AKAP13: variants seen among roughly 807,000 people sequenced by gnomAD.
AKAP13 encodes A-kinase anchoring protein 13.
Under a neutral mutation model 264.5 loss-of-function variants are expected in AKAP13, and 80 were observed. That is an observed-to-expected ratio of 0.30 (90% CI 0.25 to 0.36). The LOEUF (loss-of-function observed/expected upper bound fraction) is 0.36, where lower values mean the gene tolerates loss of function less well. Ranked by LOEUF, AKAP13 falls within the 10% of genes least tolerant of loss-of-function variation. The probability of loss-of-function intolerance (pLI) is 1.00; values close to 1 mark genes in which losing one functional copy is unlikely to be tolerated. For missense variants in AKAP13, 3,712 were observed against 3,435.2 expected (o/e 1.08, Z -2.01); for synonymous variants, 1,380 against 1,250.2 (o/e 1.10, Z -2.19).
Position 85,710,696 on chromosome 15 carries a change from A to G in AKAP13, c.5599+51A>G. ...TTCCCTTTCTGACTTTCTGGTTCTG[A>G]ATGTAAAAATGCTGTTGTAATATTC... On this transcript the variant is annotated intron_variant, in intron 19 of 36. Coordinates refer to ENST00000394518, the MANE Select transcript of AKAP13 (RefSeq NM_007200.5). 3 of 1,571,398 alleles carry G rather than the reference A, an allele frequency of 1.9e-6. No homozygotes were observed. The South Asian group carries it at 3.4e-5, about 18-fold the overall frequency.
intron 5 of AKAP13, among the ~76,000 whole-genome samples, chr15:85,553,532 A>G (rs527303401): frequency 6.6e-6 from 1 of 151,750 alleles, no homozygotes; most frequent in Non-Finnish European, 1.5e-5. Context: ...CCATTTGAAA[A>G]CTCTTTAGTT....
intron 2 of AKAP13, among the ~76,000 whole-genome samples, chr15:85,516,346 G>A (rs1020459874): frequency 6.6e-6 from 1 of 152,202 alleles, no homozygotes; most frequent in Non-Finnish European, 1.5e-5. Flanking sequence ...CATACCCCAA[G>A]TTAAACAGAT....
intron 2 of AKAP13, among the ~76,000 whole-genome samples, chr15:85,512,550 A>T (rs1158246313): frequency 6.6e-6 from 1 of 152,172 alleles, no homozygotes; most frequent in Non-Finnish European, 1.5e-5. Flanking sequence ...AGGTCAGGAT[A>T]TAGAGGAAAG....
At chr15:85,690,097 A>C (rs564156100) in intron 16 of AKAP13, 1 of 152,382 alleles carries the variant, frequency 6.6e-6, no homozygotes, top group East Asian at 1.9e-4. Context: ...GGACCAAAGC[A>C]TGGGGAGGTA....
At chr15:85,500,330 A>G (rs2076006559) in intron 2 of AKAP13, among the ~76,000 whole-genome samples, 1 of 152,188 alleles carries the variant, frequency 6.6e-6, no homozygotes. Context: ...TTTGCTTCTT[A>G]CTACACAAAT....
At chr15:85,583,577 A>G (rs2079211180) in intron 7 of AKAP13, among the ~76,000 whole-genome samples, 1 of 152,134 alleles carries the variant, frequency 6.6e-6, no homozygotes, top group Non-Finnish European at 1.5e-5. Flanking sequence ...ATTTCAGAAG[A>G]ATGGGAGTGG....
At chr15:85,383,699 A>T (rs2070406861) in intron 1 of AKAP13, among the ~76,000 whole-genome samples, 1 of 152,212 alleles carries the variant, frequency 6.6e-6, no homozygotes, top group Non-Finnish European at 1.5e-5. Flanking sequence ...TGGGACTTGC[A>T]GAGTGGCTTG....
intron 1 of AKAP13, among the ~76,000 whole-genome samples, chr15:85,381,454 A>G (rs1487118308): frequency 1.4e-5 from 2 of 139,720 alleles, no homozygotes; most frequent in African/African-American, 2.7e-5. Flanking sequence ...CAGCCGGCTC[A>G]GCTTGCAGCT....
chr15:85,661,847 TATC>T (rs1390044819), intron 12 of AKAP13, among the ~76,000 whole-genome samples: 1 of 151,086 alleles, frequency 6.6e-6, no homozygotes, highest in Non-Finnish European at 1.5e-5. Flanking sequence ...CTAAGTATCT[TATC>T]ATGCAGAATC....
rs1324968782 is a variant in AKAP13, at chr15:85,580,124, ATAGT to A, written c.2060_2063del (p.Val687AlafsTer35). ...TTTGGTTGCAAAACTGTGTGATAAC[ATAGT>A]TAGCGAGTCCGAAAGCACCACAGCA... is the stretch of plus-strand genomic sequence containing the variant. On this transcript the variant is annotated frameshift_variant, in exon 7 of 37. Coordinates refer to ENST00000394518, the MANE Select transcript of AKAP13 (RefSeq NM_007200.5). LOFTEE classifies it high-confidence loss of function. The A allele has an allele frequency of 6.2e-7, 1 of 1,614,204 alleles. No homozygotes were observed. Among genetic ancestry groups the A allele is most frequent in the Non-Finnish European group, 8.5e-7 (1 of 1,180,032 alleles).
rs183164726 is a variant in AKAP13 at position 85,601,843 on chromosome 15, A to C, written c.4161+16020A>C. On this transcript the variant is annotated intron_variant, in intron 8 of 36. Coordinates refer to ENST00000394518, the MANE Select transcript of AKAP13 (RefSeq NM_007200.5). ...AAATGTTTATTAATTCATTTACTAC[A>C]ATAAACTAATCATTATTAAAATTAT... Among the ~76,000 whole-genome samples the C allele has an allele frequency of 5.7e-3, 816 of 143,740 alleles. 5 individuals carry two copies. The highest frequency in any genetic ancestry group is 9.5e-3 in the Non-Finnish European group (592 of 62,630). 94.3% of individuals were successfully genotyped at this position (143,740 alleles called of 152,430 possible).
intron 2 of AKAP13, among the ~76,000 whole-genome samples, chr15:85,504,646 C>G (rs886147724): frequency 1.4e-5 from 2 of 145,670 alleles, no homozygotes; most frequent in Non-Finnish European, 3.0e-5. Flanking sequence ...GAGCCATGGT[C>G]GCACCACTGT....
chr15:85,702,222 G>C (rs2085960884), intron 17 of AKAP13: 1 of 147,108 alleles, frequency 6.8e-6, no homozygotes, highest in East Asian at 2.0e-4. Flanking sequence ...ACTTCAGCCT[G>C]GGTGACAGAG....
intron 1 of AKAP13, among the ~76,000 whole-genome samples, chr15:85,465,474 T>A (rs1394010294): frequency 6.8e-6 from 1 of 146,112 alleles, no homozygotes; most frequent in Non-Finnish European, 1.5e-5. Context: ...TAGCATTAGG[T>A]ATATCTCCTA....
chr15:85,736,507 C>T (rs569850941), intron 33 of AKAP13, among the ~76,000 whole-genome samples: 28 of 152,308 alleles, frequency 1.8e-4, no homozygotes, highest in African/African-American at 6.7e-4. Context: ...CTCCCAGGCT[C>T]AGGCAATCCT....
rs747364403 is a variant in AKAP13, at chr15:85,719,269, G to C, written c.6195G>C (p.Val2065=). The change falls in exon 23 of 37, where the codon GTG becomes GTC. Residue 2065 remains valine, a synonymous_variant. Coordinates refer to ENST00000394518, the MANE Select transcript of AKAP13 (RefSeq NM_007200.5). ...RILERKKESL[V]DKSEKNFLIK... ...TGGAGCGGAAGAAGGAGTCTCTGGT[G>C]GATAAAAGTGAAAAGAACTTTCTCA... is the stretch of plus-strand genomic sequence containing the variant. 1 of 1,614,100 alleles carries C rather than the reference G, an allele frequency of 6.2e-7. No homozygotes were observed. Among genetic ancestry groups the C allele is most frequent in the Non-Finnish European group, 8.5e-7 (1 of 1,180,020 alleles).
intron 20 of AKAP13, 162 bp from the exon 21 acceptor site, chr15:85,717,128 C>T: frequency 1.9e-6 from 1 of 538,672 alleles, no homozygotes; most frequent in East Asian, 3.4e-5. Context: ...TGTTACCAGG[C>T]CATGTGCATG....
At chr15:85,417,989 G>C (rs776744976) in intron 1 of AKAP13, among the ~76,000 whole-genome samples, 1 of 151,302 alleles carries the variant, frequency 6.6e-6, no homozygotes, top group African/African-American at 2.4e-5. Flanking sequence ...TCATTTTGAC[G>C]TAATTATAAA....
At position 85,747,687 on chromosome 15, in the gene AKAP13, T is replaced by C. The variant is rs1347114329; in HGVS notation, c.*3010T>C. 1 of 152,672 alleles carries C rather than the reference T, an allele frequency of 6.5e-6. No homozygotes were observed. The highest frequency in any genetic ancestry group is 1.9e-4 in the East Asian group (1 of 5,204). 9.5% of individuals were successfully genotyped at this position (152,672 alleles called of 1,614,324 possible). A position where few individuals can be genotyped will look rare whatever the true frequency, so the allele number is the denominator to read the frequency against. ...AATCAAATGTATTGACTGTGTTTTCTTCTTAGAAAATGGAGAGGGTTAAAA... is the reference window on the plus strand; with the variant it reads ...AATCAAATGTATTGACTGTGTTTTCCTCTTAGAAAATGGAGAGGGTTAAAA... On this transcript the variant is annotated 3_prime_UTR_variant, in exon 37 of 37. Transcript: ENST00000394518.
Sources: allele counts gnomAD v4.1 joint callset (sites outside exome capture counted in the v4.1 genomes callset), GRCh38; gene constraint gnomAD v4.1.1; transcripts MANE v1.5; gene names NCBI Gene and HGNC (gene_info 2026-07-23, HGNC 2026-07-21).